Variants in ADGRG1 observed in about 807,000 individuals in gnomAD.
ADGRG1 encodes adhesion G protein-coupled receptor G1.
In ADGRG1, 53 loss-of-function variants were observed where a neutral mutation model predicts 73.5. That is an observed-to-expected ratio of 0.72 (90% confidence interval 0.58 to 0.91). ADGRG1 has a LOEUF of 0.91. ADGRG1 is among the 40% of genes least tolerant of loss of function. The pLI is 0.00. For missense variants in ADGRG1, 795 were observed against 871.8 expected, an observed-to-expected ratio of 0.91 and a Z score of 1.11; for synonymous variants, 394 against 374.4, an observed-to-expected ratio of 1.05 and a Z score of -0.60.
At chr16:57,639,350 G>A (rs2040164129) in intron 1 of ADGRG1, 1 of 985,384 alleles carries the variant, frequency 1.0e-6, no homozygotes, top group African/African-American at 1.7e-5. Context: ...CTGAGCCGGG[G>A]TGTGACGTAG....
Position 57,650,265 on chromosome 16 carries a change from A to G in ADGRG1, c.-23A>G. ...TGGTCTCTTCCAGGTGGTGACTTCC[A>G]AGAGTGACTCCGTCGGAGGAAAATG... On this transcript the variant is annotated 5_prime_UTR_variant, in exon 2 of 14. Coordinates refer to ENST00000562631, the MANE Select transcript of ADGRG1 (RefSeq NM_201525.4). 6.2e-7 allele frequency: 1 copy of G among 1,611,428 alleles called. No homozygotes were observed. The highest frequency in any genetic ancestry group is 8.5e-7 in the Non-Finnish European group (1 of 1,177,582).
At chr16:57,657,553 G>A in intron 10 of ADGRG1, 62 bp downstream of exon 10, 1 of 1,245,742 alleles carries the variant, frequency 8.0e-7, no homozygotes. Context: ...CTCCACCAGG[G>A]CGCCGCACAC....
At chr16:57,631,112 G>A (rs56064937) in intron 1 of ADGRG1, 372,168 of 984,680 alleles carry the variant, frequency 0.38, 70,934 homozygotes, top group African/African-American at 0.5. Flanking sequence ...TCTGGCTGCT[G>A]GGTTAAGGCT....
rs886786248 is a variant in ADGRG1 at position 57,652,872 on chromosome 16, C to T, written c.488-331C>T. The T allele has an allele frequency of 2.6e-5, 31 of 1,179,480 alleles. No homozygotes were observed. In the African/African-American group the frequency reaches 3.8e-4, roughly 15 times the overall value. 73.1% of individuals were successfully genotyped at this position (1,179,480 alleles called of 1,614,324 possible). ...AGTCCCAGGAACCACCACCAAGCCC[C>T]GCACATCCCTCCTAAGGAGGCCTGG... On this transcript the variant is annotated intron_variant, in intron 3 of 13. Transcript: ENST00000562631.
At chr16:57,662,893 C>T (rs1452876174) in intron 13 of ADGRG1, 1 of 983,032 alleles carries the variant, frequency 1.0e-6, no homozygotes, top group Non-Finnish European at 1.2e-6. Context: ...TCAAGGCCAG[C>T]CTCCCATACA....
At chr16:57,652,157 G>A in intron 3 of ADGRG1, 1 of 1,009,544 alleles carries the variant, frequency 9.9e-7, no homozygotes, top group Non-Finnish European at 1.2e-6. Flanking sequence ...AGTATGAGAG[G>A]TCAAAGGTCA....
intron 1 of ADGRG1, chr16:57,648,786 A>G: frequency 1.1e-6 from 1 of 873,152 alleles, no homozygotes; most frequent in Non-Finnish European, 1.4e-6. Context: ...GCTCTGCCAC[A>G]GGGCCGGCTG....
At chr16:57,630,597 C>A in intron 1 of ADGRG1, 1 of 901,820 alleles carries the variant, frequency 1.1e-6, no homozygotes, top group Non-Finnish European at 1.3e-6. Flanking sequence ...TGTGTCCCGG[C>A]CTGGGCCACT....
At chr16:57,624,832 C>T (rs2035529176), upstream of ADGRG1, 1 of 376,828 alleles carries the variant, frequency 2.7e-6, no homozygotes, top group Non-Finnish European at 3.7e-6. Context: ...CTCTGAATAA[C>T]AGTGCCCTGG....
chr16:57,652,814 C>T (rs1039289986), intron 3 of ADGRG1: 29 of 1,103,094 alleles, frequency 2.6e-5, no homozygotes, highest in African/African-American at 1.8e-4. Flanking sequence ...CAGAGGGGCC[C>T]GAGCCTGGAG....
intron 1 of ADGRG1, chr16:57,641,241 T>C (rs2040737715): frequency 1.0e-6 from 1 of 955,820 alleles, no homozygotes. Context: ...AGAGCTTGTC[T>C]GAACCTTATG....
At position 57,661,620 on chromosome 16, in the gene ADGRG1, A is replaced by G. The variant is rs570493868; in HGVS notation, c.1665-77A>G. On this transcript the variant is annotated intron_variant, in intron 12 of 13. Transcript: ENST00000562631. The stretch of plus-strand genomic sequence containing the variant: ...GCTGTAAACAGTGGATAATCCTGAA[A>G]ACAAACATGACAACCACAGCCCAGG... 9 of 1,551,940 alleles carry G rather than the reference A, an allele frequency of 5.8e-6. No individual in the cohort carries two copies. In the Admixed American group the frequency reaches 7.8e-5, roughly 13 times the overall value.
rs771896938 is a variant in ADGRG1, at chr16:57,656,270, A to G, written c.1062A>G (p.Thr354=). The change falls in exon 8 of 14, where the codon ACA becomes ACG. Residue 354 remains threonine, a splice_region_variant and synonymous_variant. Transcript: ENST00000562631. ...GTGTGTTCTGGGTTGAAGACCCCACATGTGAGTATGCAGGGGTCTCTGGGC... is the reference window on the plus strand; with the variant it reads ...GTGTGTTCTGGGTTGAAGACCCCACGTGTGAGTATGCAGGGGTCTCTGGGC... ...LQCVFWVEDP[T]LSSPGHWSSA... is the part of the protein sequence containing the mutation. The G allele has an allele frequency of 1.9e-6, 3 of 1,607,320 alleles. No homozygotes were observed. Among genetic ancestry groups the G allele is most frequent in the South Asian group, 2.2e-5 (2 of 90,894 alleles).
At chr16:57,661,163 C>A in intron 12 of ADGRG1, 1 of 470,374 alleles carries the variant, frequency 2.1e-6, no homozygotes, top group Non-Finnish European at 2.8e-6. Flanking sequence ...TGAGCCTCAC[C>A]ACATTCCTCA....
chr16:57,640,805 G>A, intron 1 of ADGRG1: 1 of 814,552 alleles, frequency 1.2e-6, no homozygotes, highest in Non-Finnish European at 1.5e-6. Context: ...GAGGGTTGGT[G>A]GCCAGCCTGG....
chr16:57,639,349 G>A (rs1597239389), intron 1 of ADGRG1: 1 of 985,502 alleles, frequency 1.0e-6, no homozygotes, highest in East Asian at 1.1e-4. Context: ...TCTGAGCCGG[G>A]GTGTGACGTA....
At chr16:57,628,089 G>A (rs377269992), upstream of ADGRG1, 7 of 984,976 alleles carry the variant, frequency 7.1e-6, no homozygotes, top group African/African-American at 1.7e-5. Flanking sequence ...CAGGTCAGCC[G>A]GTCAGTCGTG....
At chr16:57,629,952 AG>A (rs1349566060) in intron 1 of ADGRG1, 1 of 968,164 alleles carries the variant, frequency 1.0e-6, no homozygotes, top group Non-Finnish European at 1.2e-6. Context: ...GGGTCAAGGC[AG>A]GGGCCTCCCA....
chr16:57,646,957 C>T (rs2042805887), intron 1 of ADGRG1: 3 of 984,692 alleles, frequency 3.0e-6, no homozygotes, highest in Non-Finnish European at 3.6e-6. Flanking sequence ...GTACTGAGCG[C>T]CTGATGGCTG....
Sources: gnomAD v4.1 joint callset for allele counts on GRCh38, gnomAD v4.1.1 for gene constraint, MANE v1.5 for transcripts, NCBI Gene and HGNC (gene_info 2026-07-23, HGNC 2026-07-21) for gene names.